The following PDE4B variants were observed in gnomAD, a reference collection of about 807,000 sequenced individuals.
PDE4B encodes the protein 3',5'-cyclic-AMP phosphodiesterase 4B.
In PDE4B, 20 loss-of-function variants were observed where a neutral mutation model predicts 82.2. The observed-to-expected ratio is 0.24, with a 90% CI of 0.17 to 0.35. PDE4B has a LOEUF of 0.35. Among genes scored for constraint, PDE4B ranks in the 10% least tolerant of loss-of-function variants. The pLI is 1.00. For synonymous variants in PDE4B, 320 were observed against 318.9 expected (o/e 1.00, Z -0.04); for missense variants, 655 against 907.2 (o/e 0.72, Z 3.57).
At chr1:66,152,930 T>C (rs1646432866) in intron 3 of PDE4B, among the ~76,000 whole-genome samples, 2 of 152,172 alleles carry the variant, frequency 1.3e-5, no homozygotes, top group South Asian at 2.1e-4. Context: ...ACATGCATTA[T>C]TGAGAGTAAT....
chr1:66,163,509 T>G (rs1646659753), intron 3 of PDE4B, among the ~76,000 whole-genome samples: 1 of 152,136 alleles, frequency 6.6e-6, no homozygotes, highest in Non-Finnish European at 1.5e-5. Flanking sequence ...TTTGTATCTC[T>G]TATGATTTCT....
chr1:66,347,995 G>T (rs189245632), intron 8 of PDE4B, among the ~76,000 whole-genome samples: 1 of 152,284 alleles, frequency 6.6e-6, no homozygotes, highest in Admixed American at 6.5e-5. Context: ...CAGATATGAA[G>T]GTCCTAAAAC....
intron 1 of PDE4B, among the ~76,000 whole-genome samples, chr1:65,797,774 C>T (rs955957026): frequency 6.6e-6 from 1 of 152,118 alleles, no homozygotes; most frequent in African/African-American, 2.4e-5. Flanking sequence ...TAGATGCAGA[C>T]AAGGAATGAG....
intron 6 of PDE4B, among the ~76,000 whole-genome samples, chr1:66,265,352 A>G (rs1021556934): frequency 4.6e-5 from 7 of 152,194 alleles, no homozygotes; most frequent in Non-Finnish European, 1.0e-4. Context: ...GAGCAGTGAA[A>G]TTGAAAGGTT....
chr1:65,985,768 G>A (rs900699180), intron 3 of PDE4B, among the ~76,000 whole-genome samples: 1 of 152,140 alleles, frequency 6.6e-6, no homozygotes, highest in East Asian at 1.9e-4. Flanking sequence ...TTTATTCTAT[G>A]TAATCTGCCT....
At chr1:66,203,893 A>G (rs1425020245) in intron 3 of PDE4B, among the ~76,000 whole-genome samples, 5 of 152,194 alleles carry the variant, frequency 3.3e-5, no homozygotes, top group African/African-American at 4.8e-5. Context: ...CTGGTGAGGA[A>G]CTGCATTCCT....
intron 3 of PDE4B, among the ~76,000 whole-genome samples, chr1:66,114,754 G>C (rs1645560168): frequency 6.7e-6 from 1 of 149,704 alleles, no homozygotes; most frequent in African/African-American, 2.4e-5. Flanking sequence ...TCCTGCCTCA[G>C]CCTCCCGGGT....
At chr1:66,171,276 G>A (rs1312746857) in intron 3 of PDE4B, among the ~76,000 whole-genome samples, 2 of 152,034 alleles carry the variant, frequency 1.3e-5, no homozygotes, top group Admixed American at 6.6e-5. Flanking sequence ...GAGTAATTGG[G>A]TCGAAAATGA....
At chr1:66,319,389 G>A (rs1011427979) in intron 7 of PDE4B, among the ~76,000 whole-genome samples, 4 of 152,166 alleles carry the variant, frequency 2.6e-5, no homozygotes, top group African/African-American at 9.7e-5. Flanking sequence ...TAACCCTTGT[G>A]TTCCCTCTGA....
Position 66,207,286 on chromosome 1 carries a change from T to A in PDE4B, c.282-40174T>A, listed in dbSNP as rs114958818. 7.2e-3 allele frequency among the ~76,000 whole-genome samples: 1,091 copies of A among 152,292 alleles called. 15 individuals carry two copies. Among genetic ancestry groups the A allele is most frequent in the African/African-American group, 0.025 (1,019 of 41,568 alleles). The stretch of plus-strand genomic sequence containing the variant: ...AATTTATAATGATATTGTTATAATA[T>A]TCATTAATTAAAACTCACTAGCAAG... On this transcript the variant is annotated intron_variant, in intron 3 of 16. Transcript: ENST00000341517.
intron 1 of PDE4B, among the ~76,000 whole-genome samples, chr1:65,886,051 T>G (rs1646771980): frequency 6.6e-6 from 1 of 151,190 alleles, no homozygotes. Context: ...AGAGAGTTAG[T>G]ATGAAAAAAG....
intron 3 of PDE4B, among the ~76,000 whole-genome samples, chr1:65,947,633 A>G (rs903608996): frequency 6.6e-6 from 1 of 152,006 alleles, no homozygotes; most frequent in Non-Finnish European, 1.5e-5. Context: ...TGGTATCTTT[A>G]TCAGAAAAGG....
chr1:66,351,863 C>T lies in PDE4B; in HGVS notation c.748-3664C>T, dbSNP rs1661842935. Among the ~76,000 whole-genome samples the T allele has an allele frequency of 1.3e-5, 2 of 152,310 alleles. 1 individual carries two copies. The highest frequency in any genetic ancestry group is 3.9e-4 in the East Asian group (2 of 5,170). ...TCCTCAACTGTCTCCTCAGGCTTAA[C>T]TTCAAACATAATTCATATCTATTCT... On this transcript the variant is annotated intron_variant, in intron 8 of 16. Coordinates refer to ENST00000341517, the MANE Select transcript of PDE4B (RefSeq NM_002600.4).
chr1:66,037,636 A>G (rs1654139020), intron 3 of PDE4B, among the ~76,000 whole-genome samples: 1 of 152,102 alleles, frequency 6.6e-6, no homozygotes, highest in Admixed American at 6.5e-5. Context: ...TGTTCTGGCT[A>G]GTACTTCGAG....
intron 3 of PDE4B, among the ~76,000 whole-genome samples, chr1:66,007,096 C>A (rs1048076680): frequency 6.6e-6 from 1 of 152,030 alleles, no homozygotes; most frequent in Non-Finnish European, 1.5e-5. Context: ...TGCATCACTG[C>A]ACTCTAGCTT....
At chr1:66,192,676 C>T (rs549931702) in intron 3 of PDE4B, among the ~76,000 whole-genome samples, 75 of 152,146 alleles carry the variant, frequency 4.9e-4, no homozygotes, top group Admixed American at 8.5e-4. Flanking sequence ...TTCATGGTTT[C>T]GGGGAAAACT....
intron 9 of PDE4B, chr1:66,360,312 G>A (rs181966658): frequency 4.6e-5 from 7 of 151,424 alleles, no homozygotes; most frequent in African/African-American, 1.7e-4. Context: ...CAGAGAGCAG[G>A]TGAGGTATAC....
rs564689323 is a variant in PDE4B at position 66,007,273 on chromosome 1, C to T, written c.281+88438C>T. ...TAGCCTGACCAACATGGTGAAACCCCATCTCTAATAAAATGCAAAAATTAG... is the reference window on the plus strand; with the variant it reads ...TAGCCTGACCAACATGGTGAAACCCTATCTCTAATAAAATGCAAAAATTAG... On this transcript the variant is annotated intron_variant, in intron 3 of 16. Coordinates refer to ENST00000341517, the MANE Select transcript of PDE4B (RefSeq NM_002600.4). Among the ~76,000 whole-genome samples the T allele has an allele frequency of 1.6e-4, 24 of 152,116 alleles. No homozygotes were observed. The East Asian group carries it at 4.6e-3, about 29-fold the overall frequency.
At chr1:66,132,515 C>T (rs188616391) in intron 3 of PDE4B, among the ~76,000 whole-genome samples, 8 of 152,270 alleles carry the variant, frequency 5.3e-5, no homozygotes, top group Admixed American at 3.9e-4. Context: ...ATAAATTATA[C>T]TGACTTTTCT....
Sources: allele counts gnomAD v4.1 joint callset (sites outside exome capture counted in the v4.1 genomes callset), GRCh38; gene constraint gnomAD v4.1.1; transcripts MANE v1.5; gene names NCBI Gene and HGNC (gene_info 2026-07-23, HGNC 2026-07-21).